ROBO2: variants seen among roughly 807,000 people sequenced by gnomAD.
The protein encoded by ROBO2 is roundabout guidance receptor 2, also known as roundabout homolog 2.
Under a neutral mutation model 160.8 loss-of-function variants are expected in ROBO2, and 53 were observed. The ratio of observed to expected loss-of-function variants is 0.33; its 90% CI spans 0.26 to 0.41. The LOEUF is 0.41. ROBO2 is among the 10% of genes least tolerant of loss of function. The probability of loss-of-function intolerance (pLI) is 1.00; values close to 1 mark genes in which losing one functional copy is unlikely to be tolerated. For synonymous variants in ROBO2, 664 were observed against 611.7 expected (o/e 1.09, Z -1.26); for missense variants, 1,577 against 1,722.4 (o/e 0.92, Z 1.49).
At chr3:76,555,455 A>G (rs1383571926) in intron 2 of ROBO2, among the ~76,000 whole-genome samples, 2 of 149,494 alleles carry the variant, frequency 1.3e-5, no homozygotes, top group African/African-American at 2.4e-5. Flanking sequence ...GAAGAGGAAG[A>G]GGAAGAGGGA....
chr3:76,205,575 G>T lies in ROBO2; in HGVS notation c.109+267973G>T, dbSNP rs573952301. Among the ~76,000 whole-genome samples, 7 of 152,244 alleles carry T rather than the reference G, an allele frequency of 4.6e-5. No individual in the cohort carries two copies. The East Asian group carries it at 9.7e-4, about 21-fold the overall frequency. ...CTTTCATTATCTACTAAGAGTCCAT[G>T]TGTTTTATTACCTAGCATCTTCCCA... On this transcript the variant is annotated intron_variant, in intron 2 of 26. Coordinates refer to the ROBO2 transcript ENST00000487694.
At chr3:76,173,951 A>C (rs964304388) in intron 2 of ROBO2, among the ~76,000 whole-genome samples, 31 of 152,268 alleles carry the variant, frequency 2.0e-4, no homozygotes, top group African/African-American at 7.2e-4. Context: ...TGTCTTCCAC[A>C]ATGGTTGAAC....
chr3:76,061,759 A>G (rs1233585020), intron 2 of ROBO2, among the ~76,000 whole-genome samples: 1 of 152,130 alleles, frequency 6.6e-6, no homozygotes, highest in East Asian at 1.9e-4. Flanking sequence ...TCTTATAATT[A>G]TGTAGCCTAG....
intron 2 of ROBO2, among the ~76,000 whole-genome samples, chr3:76,768,242 T>G (rs972730178): frequency 1.3e-5 from 2 of 151,508 alleles, no homozygotes; most frequent in Non-Finnish European, 3.0e-5. Context: ...TCCAACTTGT[T>G]TTACACAGTG....
chr3:77,065,437 T>TATC (rs2066741063), intron 1 of ROBO2, among the ~76,000 whole-genome samples: 2 of 152,192 alleles, frequency 1.3e-5, no homozygotes, highest in Admixed American at 6.5e-5. Context: ...GTATTTTTTG[T>TATC]ATCTAAACCC....
At chr3:77,627,987 G>A (rs917020004) in intron 23 of ROBO2, among the ~76,000 whole-genome samples, 4 of 152,136 alleles carry the variant, frequency 2.6e-5, no homozygotes, top group African/African-American at 9.7e-5. Flanking sequence ...AGATGTAATA[G>A]AGACACAGCA....
At chr3:77,122,958 GC>G (rs767306004) in intron 2 of ROBO2, among the ~76,000 whole-genome samples, 18 of 151,990 alleles carry the variant, frequency 1.2e-4, no homozygotes, top group Non-Finnish European at 2.9e-5. Context: ...CTTGTGAGGG[GC>G]TTTTTTTTTC....
intron 1 of ROBO2, among the ~76,000 whole-genome samples, chr3:75,911,191 A>G (rs1235835994): frequency 6.6e-6 from 1 of 152,240 alleles, no homozygotes. Context: ...AAGAATGAGC[A>G]GTGAAAAAAT....
intron 2 of ROBO2, among the ~76,000 whole-genome samples, chr3:76,731,205 C>A (rs987972582): frequency 2.0e-5 from 3 of 152,160 alleles, no homozygotes; most frequent in Non-Finnish European, 4.4e-5. Context: ...ACCAACATGA[C>A]AACATTATAA....
intron 2 of ROBO2, among the ~76,000 whole-genome samples, chr3:76,182,729 T>G (rs577162814): frequency 5.2e-4 from 79 of 152,252 alleles, no homozygotes; most frequent in African/African-American, 1.9e-3. Flanking sequence ...AATTAGAGAT[T>G]CAAAACTAAT....
At chr3:76,832,388 C>T (rs938357823) in intron 2 of ROBO2, among the ~76,000 whole-genome samples, 4 of 152,150 alleles carry the variant, frequency 2.6e-5, no homozygotes, top group African/African-American at 4.8e-5. Flanking sequence ...TATAAGCCTT[C>T]GTCTTTGCCC....
At chr3:75,980,515 C>A (rs1012779306) in intron 2 of ROBO2, among the ~76,000 whole-genome samples, 2 of 151,482 alleles carry the variant, frequency 1.3e-5, no homozygotes, top group African/African-American at 4.8e-5. Flanking sequence ...TACCTCAAAT[C>A]TTTTCATGCA....
chr3:77,420,595 G>T (rs2077627650), intron 2 of ROBO2, among the ~76,000 whole-genome samples: 1 of 152,070 alleles, frequency 6.6e-6, no homozygotes, highest in African/African-American at 2.4e-5. Flanking sequence ...CAGCCAAACA[G>T]ACAGGATTGA....
chr3:76,594,124 T>C (rs2086595701), intron 2 of ROBO2, among the ~76,000 whole-genome samples: 1 of 151,996 alleles, frequency 6.6e-6, no homozygotes, highest in African/African-American at 2.4e-5. Flanking sequence ...CTAACATCCA[T>C]TACAAGTATA....
chr3:77,418,582 A>AG (rs2077450367), intron 2 of ROBO2, among the ~76,000 whole-genome samples: 2 of 152,068 alleles, frequency 1.3e-5, no homozygotes, highest in African/African-American at 4.8e-5. Context: ...AATCTCTTTA[A>AG]GAGCCACAAA....
At chr3:75,950,235 T>A (rs1948482527) in intron 2 of ROBO2, among the ~76,000 whole-genome samples, 1 of 152,100 alleles carries the variant, frequency 6.6e-6, no homozygotes, top group South Asian at 2.1e-4. Flanking sequence ...CAATAAAATA[T>A]TAAAGGTCAG....
At chr3:77,460,920 C>A (rs1327283025) in intron 2 of ROBO2, among the ~76,000 whole-genome samples, 2 of 152,082 alleles carry the variant, frequency 1.3e-5, no homozygotes, top group African/African-American at 4.8e-5. Context: ...GGAAATTAAT[C>A]ACTATATTTT....
chr3:77,538,943 C>T (rs2092318338), intron 6 of ROBO2: 2 of 450,156 alleles, frequency 4.4e-6, no homozygotes, highest in Non-Finnish European at 8.9e-6. Context: ...GAGACGGAGG[C>T]TTGCTCTGTC....
chr3:77,154,841 G>A (rs1054225597), intron 2 of ROBO2, among the ~76,000 whole-genome samples: 3 of 151,934 alleles, frequency 2.0e-5, no homozygotes, highest in South Asian at 2.1e-4. Context: ...TAAAGATGGC[G>A]ACAACTGAAA....
Sources: allele counts gnomAD v4.1 joint callset (sites outside exome capture counted in the v4.1 genomes callset), GRCh38; gene constraint gnomAD v4.1.1; transcripts MANE v1.5; gene names NCBI Gene and HGNC (gene_info 2026-07-23, HGNC 2026-07-21).